The following MBNL2 variants were observed in gnomAD, a reference collection of about 807,000 sequenced individuals.
MBNL2 encodes muscleblind-like protein 2.
A neutral mutation model predicts 41.9 loss-of-function variants in MBNL2; 17 were observed. That is an observed-to-expected ratio of 0.41 (90% CI 0.28 to 0.61). The LOEUF (loss-of-function observed/expected upper bound fraction) is 0.61. Ranked by LOEUF, MBNL2 falls within the 20% of genes least tolerant of loss-of-function variation. MBNL2 has a pLI of 0.35. For missense variants in MBNL2, 336 were observed against 505.6 expected, an observed-to-expected ratio of 0.66 and a Z score of 3.22; for synonymous variants, 195 against 182.9, an observed-to-expected ratio of 1.07 and a Z score of -0.53.
intron 8 of MBNL2, among the ~76,000 whole-genome samples, chr13:97,386,389 T>G (rs1194119028): frequency 6.6e-6 from 1 of 152,258 alleles, no homozygotes; most frequent in Non-Finnish European, 1.5e-5. Flanking sequence ...ATTTCCAGCT[T>G]CTTTTGGCAA....
At chr13:97,203,927 T>C in the MBNL2 span, among the ~76,000 whole-genome samples, 75 of 151,482 alleles carry the variant, frequency 5.0e-4, no homozygotes, top group East Asian at 1.7e-3. Context: ...GACGGACGGA[T>C]GAATGGATGG....
the MBNL2 span, among the ~76,000 whole-genome samples, chr13:97,210,793 AC>A: frequency 3.3e-5 from 5 of 151,298 alleles, no homozygotes; most frequent in African/African-American, 1.2e-4. Context: ...CAAGTGATCC[AC>A]CCGCCTTGGC....
chr13:97,358,471 G>T (rs1272182030), intron 7 of MBNL2, among the ~76,000 whole-genome samples: 1 of 152,006 alleles, frequency 6.6e-6, no homozygotes, highest in Non-Finnish European at 1.5e-5. Context: ...AAAGAAAAAA[G>T]CAGATAAAAG....
chr13:97,310,847 A>G (rs2058539928), intron 2 of MBNL2, among the ~76,000 whole-genome samples: 2 of 150,752 alleles, frequency 1.3e-5, no homozygotes, highest in African/African-American at 4.9e-5. Context: ...AAAGAGAAAC[A>G]TATTACCGGT....
chr13:97,307,306 T>G (rs1409265230), intron 2 of MBNL2, among the ~76,000 whole-genome samples: 1 of 152,148 alleles, frequency 6.6e-6, no homozygotes, highest in African/African-American at 2.4e-5. Flanking sequence ...ACTTTGAACT[T>G]CCATTGATTT....
the MBNL2 span, among the ~76,000 whole-genome samples, chr13:97,156,689 A>G: frequency 6.8e-6 from 1 of 147,238 alleles, no homozygotes; most frequent in Non-Finnish European, 1.5e-5. Flanking sequence ...CAGGTTTGTC[A>G]AAGATCAGAT....
rs141543113 is a variant in MBNL2, at chr13:97,280,489, A to C, written c.174+4080A>C. ...TTAGACAATTTTTAGAAATTTAGAC[A>C]TAATCTTTTGTAATAAAAATTCATT... On this transcript the variant is annotated intron_variant, in intron 2 of 8. Transcript: ENST00000679496. 1.3e-4 allele frequency among the ~76,000 whole-genome samples: 20 copies of C among 152,336 alleles called. 2 individuals carry two copies. The South Asian group carries it at 2.7e-3, about 21-fold the overall frequency.
chr13:97,159,034 T>A, the MBNL2 span, among the ~76,000 whole-genome samples: 4 of 151,088 alleles, frequency 2.6e-5, no homozygotes, highest in Admixed American at 2.0e-4. Context: ...GGAGTCTAAG[T>A]CTCTTTGTAG....
At chr13:97,290,121 A>C (rs983998049) in intron 2 of MBNL2, among the ~76,000 whole-genome samples, 2 of 152,164 alleles carry the variant, frequency 1.3e-5, no homozygotes, top group African/African-American at 2.4e-5. Context: ...GTTTGGAGCC[A>C]CCCAATTCTT....
the MBNL2 span, among the ~76,000 whole-genome samples, chr13:97,195,959 C>T: frequency 3.3e-5 from 5 of 152,162 alleles, no homozygotes; most frequent in African/African-American, 1.2e-4. Context: ...GCTATAGTCC[C>T]AGCAAGACAA....
At chr13:97,370,945 C>A (rs2064317374) in intron 8 of MBNL2, among the ~76,000 whole-genome samples, 1 of 152,064 alleles carries the variant, frequency 6.6e-6, no homozygotes, top group Non-Finnish European at 1.5e-5. Flanking sequence ...AATCTGAGTC[C>A]ATTGACCAAG....
At chr13:97,342,612 G>C (rs1175661358) in intron 3 of MBNL2, among the ~76,000 whole-genome samples, 1 of 152,182 alleles carries the variant, frequency 6.6e-6, no homozygotes, top group Non-Finnish European at 1.5e-5. Context: ...TGTAATCAAA[G>C]GGTTTTGTGA....
chr13:97,317,549 A>G (rs2153034626), intron 2 of MBNL2, among the ~76,000 whole-genome samples: 1 of 152,332 alleles, frequency 6.6e-6, no homozygotes, highest in East Asian at 1.9e-4. Flanking sequence ...GAACTCTTAA[A>G]TGATAGTTTT....
the MBNL2 span, among the ~76,000 whole-genome samples, chr13:97,157,379 C>A: frequency 7.5e-5 from 11 of 145,958 alleles, no homozygotes. Context: ...AATTGAATAC[C>A]CTTTATTTCC....
chr13:97,355,615 T>G (rs1054780873), intron 5 of MBNL2, among the ~76,000 whole-genome samples: 1 of 152,194 alleles, frequency 6.6e-6, no homozygotes, highest in African/African-American at 2.4e-5. Context: ...TTTAGTTTTT[T>G]TTTTACAACA....
chr13:97,265,162 A>G (rs1468746975), intron 1 of MBNL2, among the ~76,000 whole-genome samples: 1 of 152,182 alleles, frequency 6.6e-6, no homozygotes. Context: ...TTCTCTACCC[A>G]TTCCTGGAAA....
chr13:97,309,245 A>G (rs2058373848), intron 2 of MBNL2, among the ~76,000 whole-genome samples: 1 of 152,196 alleles, frequency 6.6e-6, no homozygotes, highest in African/African-American at 2.4e-5. Context: ...GAAATGAAAA[A>G]TGTCAAAATG....
chr13:97,382,303 A>C (rs1002511425), intron 8 of MBNL2, among the ~76,000 whole-genome samples: 1 of 152,246 alleles, frequency 6.6e-6, no homozygotes, highest in African/African-American at 2.4e-5. Flanking sequence ...TGGCATTTTT[A>C]TAAGTAACAC....
At chr13:97,208,206 G>A in the MBNL2 span, among the ~76,000 whole-genome samples, 1 of 152,210 alleles carries the variant, frequency 6.6e-6, no homozygotes, top group Non-Finnish European at 1.5e-5. Flanking sequence ...TCTCCAAGTG[G>A]ACAATGTAGT....
Sources: allele counts gnomAD v4.1 joint callset (sites outside exome capture counted in the v4.1 genomes callset), GRCh38; gene constraint gnomAD v4.1.1; transcripts MANE v1.5; gene names NCBI Gene and HGNC (gene_info 2026-07-23, HGNC 2026-07-21).